The following RADIL variants were observed in gnomAD, a reference collection of about 807,000 sequenced individuals.
RADIL encodes ras-associating and dilute domain-containing protein.
A neutral mutation model predicts 97.6 loss-of-function variants in RADIL; 99 were observed. The observed-to-expected ratio is 1.01, with a 90% CI of 0.86 to 1.20. RADIL has a LOEUF of 1.20. Ranked by LOEUF, RADIL falls within the 50% of genes most tolerant of loss-of-function variation. RADIL has a pLI of 0.00. For synonymous variants in RADIL, 803 were observed against 691.8 expected (o/e 1.16, Z -2.52); for missense variants, 1,765 against 1,498.9 (o/e 1.18, Z -2.93).
At chr7:4,871,822 A>T (rs1011009654) in intron 2 of RADIL, among the ~76,000 whole-genome samples, 3 of 152,144 alleles carry the variant, frequency 2.0e-5, no homozygotes, top group African/African-American at 7.2e-5. Flanking sequence ...CAGACATTGG[A>T]TGGGCTGTTT....
chr7:4,818,784 G>T lies in RADIL; in HGVS notation c.1616-1433C>A, dbSNP rs766612080. Among the ~76,000 whole-genome samples, 5 of 152,160 alleles carry T rather than the reference G, an allele frequency of 3.3e-5. No individual in the cohort carries two copies. Among genetic ancestry groups the T allele is most frequent in the Non-Finnish European group, 7.4e-5 (5 of 68,018 alleles). On this transcript the variant is annotated intron_variant, in intron 6 of 14. Transcript: ENST00000399583. The surrounding 1 kb of genome is among the most constrained non-coding windows in gnomAD (Gnocchi z 7.1). ...GAACCCAGCCCCACATCACTCCCTG[G>T]GCAGGGGCGGGGCACTGGTGGGAAG...
chr7:4,809,191 C>G (rs1397062601), intron 9 of RADIL: 1 of 985,290 alleles, frequency 1.0e-6, no homozygotes, highest in Non-Finnish European at 1.2e-6. Flanking sequence ...CCCGCCTCCC[C>G]GGGCTGTCAC....
chr7:4,878,198 C>A lies in RADIL; in HGVS notation c.-59G>T. 2.1e-6 allele frequency: 3 copies of A among 1,447,448 alleles called. No homozygotes were observed. The highest frequency in any genetic ancestry group is 1.4e-5 in the South Asian group (1 of 71,164). The allele number at this position is 1,447,448 out of a possible 1,614,324, so 89.7% of individuals were successfully genotyped here. ...CTTCAGCCAAAGGATGTGGGGAGGCCGTGACCTGGGTGAAAAAGTGAGAGA... is the reference window on the plus strand; with the variant it reads ...CTTCAGCCAAAGGATGTGGGGAGGCAGTGACCTGGGTGAAAAAGTGAGAGA... On this transcript the variant is annotated 5_prime_UTR_variant, in exon 2 of 15. Transcript: ENST00000399583. The surrounding 1 kb of genome is among the most constrained non-coding windows in gnomAD (Gnocchi z 4.1).
chr7:4,844,123 G>C (rs1783512654), intron 2 of RADIL, among the ~76,000 whole-genome samples: 2 of 152,024 alleles, frequency 1.3e-5, no homozygotes, highest in African/African-American at 4.8e-5. Context: ...ACAACAGGCA[G>C]GGAAAAATAG....
chr7:4,850,072 A>T (rs994197322), intron 2 of RADIL, among the ~76,000 whole-genome samples: 1 of 152,204 alleles, frequency 6.6e-6, no homozygotes, highest in South Asian at 2.1e-4. Context: ...ATTAAGATGA[A>T]TGAATTGGAG....
At chr7:4,832,504 T>A (rs1266915351) in intron 4 of RADIL, among the ~76,000 whole-genome samples, 2 of 152,230 alleles carry the variant, frequency 1.3e-5, no homozygotes, top group South Asian at 4.1e-4. Context: ...TTTGGGAGGC[T>A]GAGGCAGGCA....
chr7:4,836,941 G>C (rs1178664097), intron 2 of RADIL, among the ~76,000 whole-genome samples: 1 of 151,834 alleles, frequency 6.6e-6, no homozygotes, highest in Admixed American at 6.6e-5. Flanking sequence ...TCCATCCCCC[G>C]CCAAAAAAAA....
At chr7:4,806,856 T>C (rs996878588) in intron 9 of RADIL, among the ~76,000 whole-genome samples, 1 of 152,194 alleles carries the variant, frequency 6.6e-6, no homozygotes, top group African/African-American at 2.4e-5. Flanking sequence ...GTGACTCCCG[T>C]GCTGCTCGTC....
rs374700951 is a variant in RADIL at position 4,836,347 on chromosome 7, G to C, written c.783+11C>G. The C allele has an allele frequency of 1.4e-3, 2,267 of 1,567,364 alleles. 7 individuals carry two copies. Among genetic ancestry groups the C allele is most frequent in the Admixed American group, 5.3e-3 (281 of 52,878 alleles). On this transcript the variant is annotated intron_variant, in intron 3 of 14. Transcript: ENST00000399583. ...GGCACCGGGCAGTGGGTGTCAGGAG[G>C]GGAGGCTCACGTGCTGCTGGCTGTA...
In RADIL at chr7:4,815,204, G is replaced by A; in HGVS notation, c.2139+74C>T. The A allele has an allele frequency of 7.0e-7, 1 of 1,435,082 alleles. No individual in the cohort carries two copies. Among genetic ancestry groups the A allele is most frequent in the Non-Finnish European group, 9.2e-7 (1 of 1,087,648 alleles). 88.9% of individuals were successfully genotyped at this position (1,435,082 alleles called of 1,614,324 possible). A position where few individuals can be genotyped will look rare whatever the true frequency, so the allele number is the denominator to read the frequency against. ...AGCCCCGTCCCGGCCCCCAGGCTTG[G>A]TTTGTGAGCCAGGGACCCACAGCAT... On this transcript the variant is annotated intron_variant, in intron 9 of 14. Coordinates refer to ENST00000399583, the MANE Select transcript of RADIL (RefSeq NM_018059.5). This position sits in a 1 kb window ranked among gnomAD's most constrained non-coding sequence, Gnocchi z 8.0.
chr7:4,835,048 G>C lies in RADIL; in HGVS notation c.975C>G (p.Ile325Met), dbSNP rs559276355. 1 of 1,609,646 alleles carries C rather than the reference G, an allele frequency of 6.2e-7. No homozygotes were observed. The highest frequency in any genetic ancestry group is 2.2e-5 in the East Asian group (1 of 44,728). The change falls in exon 4 of 15, where the codon ATC becomes ATG. Residue 325 changes from isoleucine to methionine, a missense_variant. Physicochemically the swap from Ile to Met is conservative, Grantham distance 10. Transcript: ENST00000399583. This position sits in a 1 kb window ranked among gnomAD's most constrained non-coding sequence, Gnocchi z 5.8. ...GCCCCACCTCGGAGAAGTTGACGGA[G>C]ATGTGCGCCCCGGGGATGGGCTCCA... ...LVLEPIPGAHISVNFSEVGHR... is the reference protein window; with the variant it reads ...LVLEPIPGAHMSVNFSEVGHR...
At chr7:4,843,843 C>T (rs1472100340) in intron 2 of RADIL, among the ~76,000 whole-genome samples, 3 of 140,246 alleles carry the variant, frequency 2.1e-5, no homozygotes, top group East Asian at 2.2e-4. Context: ...ACCCATAAGG[C>T]GGAGGTTGCA....
At chr7:4,850,982 A>G (rs28463957) in intron 2 of RADIL, among the ~76,000 whole-genome samples, 3,134 of 152,242 alleles carry the variant, frequency 0.021, 129 homozygotes, top group African/African-American at 0.072. Flanking sequence ...CAGGTGGATC[A>G]TCCGAGGTCA....
rs1204397680 is a variant in RADIL, at chr7:4,814,412, G to A, written c.2139+866C>T. ...CGGCTCACTGCAACCTCTGCCTCGC[G>A]GGTTCAAGCGATTCGCCCTGTGGCC... On this transcript the variant is annotated intron_variant, in intron 9 of 14. Coordinates refer to ENST00000399583, the MANE Select transcript of RADIL (RefSeq NM_018059.5). The surrounding 1 kb of genome is among the most constrained non-coding windows in gnomAD (Gnocchi z 4.5). Among the ~76,000 whole-genome samples the A allele has an allele frequency of 1.3e-5, 2 of 152,082 alleles. No homozygotes were observed. The highest frequency in any genetic ancestry group is 1.9e-4 in the East Asian group (1 of 5,184).
At chr7:4,839,388 T>C (rs946981921) in intron 2 of RADIL, among the ~76,000 whole-genome samples, 4 of 152,172 alleles carry the variant, frequency 2.6e-5, no homozygotes, top group African/African-American at 9.7e-5. Context: ...CGCTGAGAAT[T>C]CAAACAAATG....
rs1187517849 is a variant in RADIL at position 4,802,365 on chromosome 7, TGGG to T, written c.2500-373_2500-371del. Among the ~76,000 whole-genome samples the T allele has an allele frequency of 2.3e-3, 261 of 113,474 alleles. 1 individual carries two copies. The highest frequency in any genetic ancestry group is 3.0e-3 in the African/African-American group (71 of 23,286). 74.4% of individuals were successfully genotyped at this position (113,474 alleles called of 152,430 possible). On this transcript the variant is annotated intron_variant, in intron 11 of 14. Coordinates refer to ENST00000399583, the MANE Select transcript of RADIL (RefSeq NM_018059.5). ...CCCGGGTACCTCGGGGCACGCTGGC[TGGG>T]GGGCCCCCTCCCCGGGTACCTCGGG... is the stretch of plus-strand genomic sequence containing the variant.
At position 4,872,766 on chromosome 7, in the gene RADIL, G is replaced by T. The variant is rs537601514; in HGVS notation, c.535+4839C>A. ...GTGCCTGCGTGCATTTCTACAGGGG[G>T]GTAGCAGTGAACTAAGTGATGAGTG... On this transcript the variant is annotated intron_variant, in intron 2 of 14. Transcript: ENST00000399583. This position sits in a 1 kb window ranked among gnomAD's most constrained non-coding sequence, Gnocchi z 5.8. 8.5e-5 allele frequency among the ~76,000 whole-genome samples: 13 copies of T among 152,234 alleles called. No homozygotes were observed. In the South Asian group the frequency reaches 2.5e-3, roughly 29 times the overall value.
intron 2 of RADIL, chr7:4,860,736 A>C: frequency 6.2e-7 from 1 of 1,613,950 alleles, no homozygotes; most frequent in Non-Finnish European, 8.5e-7. Flanking sequence ...AGTTTGGACC[A>C]CTCTGCCTTA....
intron 7 of RADIL, 59 bp from the exon 8 acceptor site, chr7:4,816,524 G>C (rs146544452): frequency 1.4e-6 from 2 of 1,435,162 alleles, no homozygotes; most frequent in South Asian, 2.4e-5. Context: ...GCGGCCGAAC[G>C]GGGGGCCTGA....
Sources: allele counts gnomAD v4.1 joint callset (sites outside exome capture counted in the v4.1 genomes callset), GRCh38; gene constraint gnomAD v4.1.1; non-coding constraint Gnocchi (gnomAD v3.1); transcripts MANE v1.5; gene names NCBI Gene and HGNC (gene_info 2026-07-23, HGNC 2026-07-21).